Variants in PARD3B observed in about 807,000 individuals in gnomAD.
The protein encoded by PARD3B is par-3 family cell polarity regulator beta.
A neutral mutation model predicts 130.2 loss-of-function variants in PARD3B; 103 were observed. The observed-to-expected ratio is 0.79, with a 90% CI of 0.67 to 0.93. The LOEUF is 0.93. Among genes scored for constraint, PARD3B ranks in the 40% least tolerant of loss-of-function variants. The pLI is 0.00. For missense variants in PARD3B, 1,609 were observed against 1,499.2 expected, an observed-to-expected ratio of 1.07 and a Z score of -1.21; for synonymous variants, 583 against 553.2, an observed-to-expected ratio of 1.05 and a Z score of -0.76.
intron 2 of PARD3B, among the ~76,000 whole-genome samples, chr2:204,831,815 A>ATT (rs199529202): frequency 4.6e-5 from 7 of 151,560 alleles, no homozygotes; most frequent in African/African-American, 1.7e-4. Context: ...AAGCTTCCAG[A>ATT]TTTTTTTTTA....
chr2:205,057,416 C>T (rs1559396750), intron 4 of PARD3B, among the ~76,000 whole-genome samples: 1 of 106,018 alleles, frequency 9.4e-6, no homozygotes, highest in African/African-American at 3.2e-5. Flanking sequence ...TATACATATA[C>T]ATATATACAT....
chr2:205,617,049 C>T lies in PARD3B; in HGVS notation c.*1236C>T, dbSNP rs1575497585. The stretch of plus-strand genomic sequence containing the variant: ...AAGGCGCTAAGGCTAAATCCATCTG[C>T]ATTTGCTATATTTCATTAGCTAAAG... On this transcript the variant is annotated 3_prime_UTR_variant, in exon 23 of 23. Coordinates refer to ENST00000406610, the MANE Select transcript of PARD3B (RefSeq NM_001302769.2). 1 of 154,382 alleles carries T rather than the reference C, an allele frequency of 6.5e-6. No homozygotes were observed. Among genetic ancestry groups the T allele is most frequent in the African/African-American group, 2.4e-5 (1 of 41,510 alleles). The allele number at this position is 154,382 out of a possible 1,614,324, so 9.6% of individuals were successfully genotyped here.
rs149093913 is a variant in PARD3B, at chr2:205,250,215, C to T, written c.2185+4393C>T. Among the ~76,000 whole-genome samples, 1,136 of 151,390 alleles carry T rather than the reference C, an allele frequency of 7.5e-3. 18 individuals carry two copies. The highest frequency in any genetic ancestry group is 0.026 in the African/African-American group (1,069 of 41,322). On this transcript the variant is annotated intron_variant, in intron 16 of 22. Coordinates refer to ENST00000406610, the MANE Select transcript of PARD3B (RefSeq NM_001302769.2). ...AGACAGAAAGGGCTTATAAATTTTA[C>T]TTTTTTTAGTGTCTTCTTTTTTTTT...
chr2:205,326,288 G>T (rs2042936397), intron 18 of PARD3B, among the ~76,000 whole-genome samples: 1 of 152,156 alleles, frequency 6.6e-6, no homozygotes, highest in Non-Finnish European at 1.5e-5. Flanking sequence ...TTTATATTCT[G>T]CCAGTGTACT....
At chr2:205,507,196 ATTTTTTTTTTTTTTTTTTT>A (rs71410819) in intron 21 of PARD3B, among the ~76,000 whole-genome samples, 56 of 25,194 alleles carry the variant, frequency 2.2e-3, no homozygotes, top group Admixed American at 5.1e-3. Context: ...CAGGTGCAGT[ATTTTTTTTTTTTTTTTTTT>A]TTTTTTTTTT....
chr2:205,286,683 G>T (rs544094008), intron 16 of PARD3B, among the ~76,000 whole-genome samples: 2 of 152,154 alleles, frequency 1.3e-5, no homozygotes, highest in Admixed American at 6.5e-5. Flanking sequence ...TGGGAGACAG[G>T]TCTCTCTCCT....
At chr2:205,006,195 T>C (rs560462861) in intron 3 of PARD3B, among the ~76,000 whole-genome samples, 1 of 152,304 alleles carries the variant, frequency 6.6e-6, no homozygotes, top group Admixed American at 6.5e-5. Context: ...TACCACATTG[T>C]TTTTATCCAC....
intron 10 of PARD3B, among the ~76,000 whole-genome samples, chr2:205,152,297 T>A (rs979062060): frequency 6.6e-6 from 1 of 152,176 alleles, no homozygotes; most frequent in Non-Finnish European, 1.5e-5. Flanking sequence ...TGAATTTGAA[T>A]GTTGGCCTGC....
intron 18 of PARD3B, among the ~76,000 whole-genome samples, chr2:205,306,508 A>G (rs1323828114): frequency 2.0e-5 from 3 of 152,180 alleles, no homozygotes; most frequent in East Asian, 1.9e-4. Flanking sequence ...TTAACTTTAT[A>G]TTTTATTTCA....
In PARD3B at chr2:204,600,878, TACTG is replaced by T. The variant is rs1312031277; in HGVS notation, c.120+54761_120+54764del. On this transcript the variant is annotated intron_variant, in intron 1 of 22. Transcript: ENST00000406610. ...ATTAAATGATTGTCATGTGTGGACT[TACTG>T]AGCTAGATAGTTGAATCTTTCTGTC... is the stretch of plus-strand genomic sequence containing the variant. Among the ~76,000 whole-genome samples the T allele has an allele frequency of 2.6e-5, 4 of 152,024 alleles. No individual in the cohort carries two copies. In the East Asian group the frequency reaches 7.7e-4, roughly 29 times the overall value.
At chr2:204,965,761 TAGTTTTGA>T (rs778330662) in intron 3 of PARD3B, among the ~76,000 whole-genome samples, 2 of 152,220 alleles carry the variant, frequency 1.3e-5, no homozygotes, top group Non-Finnish European at 2.9e-5. Context: ...GTTTTGAAGT[TAGTTTTGA>T]AATTCTTTTC....
intron 10 of PARD3B, among the ~76,000 whole-genome samples, chr2:205,157,033 C>G (rs1271032831): frequency 6.6e-6 from 1 of 152,118 alleles, no homozygotes; most frequent in Non-Finnish European, 1.5e-5. Flanking sequence ...GTCTCTTTGT[C>G]TCTGATAGAC....
At chr2:205,448,382 A>C (rs2047980994) in intron 20 of PARD3B, among the ~76,000 whole-genome samples, 1 of 152,192 alleles carries the variant, frequency 6.6e-6, no homozygotes, top group Admixed American at 6.5e-5. Flanking sequence ...TTATTAGCTT[A>C]TATTGCACTT....
At chr2:205,061,672 A>G (rs1700072964) in intron 4 of PARD3B, among the ~76,000 whole-genome samples, 1 of 152,106 alleles carries the variant, frequency 6.6e-6, no homozygotes, top group African/African-American at 2.4e-5. Context: ...GATCATCTTT[A>G]GCTTTAATTT....
chr2:205,465,019 A>G (rs1390173376), intron 20 of PARD3B, among the ~76,000 whole-genome samples: 4 of 152,210 alleles, frequency 2.6e-5, no homozygotes, highest in Non-Finnish European at 5.9e-5. Flanking sequence ...TGACTTCGTT[A>G]CATCTCAAAT....
intron 2 of PARD3B, among the ~76,000 whole-genome samples, chr2:204,849,714 A>G (rs1038412791): frequency 1.3e-5 from 2 of 152,248 alleles, no homozygotes; most frequent in African/African-American, 4.8e-5. Context: ...CTCAGAAGAA[A>G]AAAATGCTTT....
At chr2:205,394,049 C>T (rs532648393) in intron 18 of PARD3B, among the ~76,000 whole-genome samples, 1 of 152,114 alleles carries the variant, frequency 6.6e-6, no homozygotes, top group African/African-American at 2.4e-5. Context: ...ATTTACCTGA[C>T]AATTTATGTT....
Position 204,891,681 on chromosome 2 carries a change from C to T in PARD3B, c.223-73471C>T, listed in dbSNP as rs553053310. Among the ~76,000 whole-genome samples the T allele has an allele frequency of 2.0e-5, 3 of 152,282 alleles. No homozygotes were observed. In the South Asian group the frequency reaches 6.2e-4, roughly 32 times the overall value. The stretch of plus-strand genomic sequence containing the variant: ...GCCACATTCTTCTCTGAACTCTTGT[C>T]TCTTCCCTTACTCTTGTCACCATTA... On this transcript the variant is annotated intron_variant, in intron 2 of 22. Coordinates refer to ENST00000406610, the MANE Select transcript of PARD3B (RefSeq NM_001302769.2).
At chr2:204,782,119 G>A (rs1317326065) in intron 2 of PARD3B, among the ~76,000 whole-genome samples, 1 of 152,054 alleles carries the variant, frequency 6.6e-6, no homozygotes, top group Admixed American at 6.6e-5. Context: ...GGAATGGAGA[G>A]TGTAATATCA....
Sources: allele counts gnomAD v4.1 joint callset (sites outside exome capture counted in the v4.1 genomes callset), GRCh38; gene constraint gnomAD v4.1.1; transcripts MANE v1.5; gene names NCBI Gene and HGNC (gene_info 2026-07-23, HGNC 2026-07-21).